Variants in MPP7 observed in about 807,000 individuals in gnomAD.
The protein encoded by MPP7 is MAGUK p55 subfamily member 7.
In MPP7, 60 loss-of-function variants were observed where a neutral mutation model predicts 76.5. The ratio of observed to expected loss-of-function variants is 0.78; its 90% CI spans 0.64 to 0.97. The LOEUF (loss-of-function observed/expected upper bound fraction) is 0.97, where lower values mean the gene tolerates loss of function less well. MPP7 is among the 50% of genes least tolerant of loss of function. The probability of loss-of-function intolerance (pLI) is 0.00; values close to 1 mark genes in which losing one functional copy is unlikely to be tolerated. For synonymous variants in MPP7, 237 were observed against 244.5 expected (o/e 0.97, Z 0.29); for missense variants, 641 against 694.0 (o/e 0.92, Z 0.86).
chr10:28,219,844 T>A (rs1838439516), intron 2 of MPP7, among the ~76,000 whole-genome samples: 1 of 152,132 alleles, frequency 6.6e-6, no homozygotes, highest in East Asian at 1.9e-4. Context: ...TTCCACTTTG[T>A]CAAAGGTAAA....
At chr10:28,104,529 T>C (rs532971196) in intron 11 of MPP7, among the ~76,000 whole-genome samples, 1 of 152,314 alleles carries the variant, frequency 6.6e-6, no homozygotes, top group Admixed American at 6.5e-5. Context: ...AAAAATAGAA[T>C]TCCACAAGAT....
intron 1 of MPP7, among the ~76,000 whole-genome samples, chr10:28,291,882 T>C (rs1205534575): frequency 2.6e-5 from 4 of 152,172 alleles, no homozygotes; most frequent in Non-Finnish European, 4.4e-5. Flanking sequence ...TAAATGAACA[T>C]AGTGTAGCCT....
intron 14 of MPP7, 24 bp downstream of exon 14, chr10:28,059,626 A>G: frequency 6.4e-7 from 1 of 1,560,218 alleles, no homozygotes; most frequent in Non-Finnish European, 8.8e-7. Flanking sequence ...AGTCACATGA[A>G]AATTCTCAAA....
intron 1 of MPP7, among the ~76,000 whole-genome samples, chr10:28,248,775 A>G (rs1839519291): frequency 6.6e-6 from 1 of 152,218 alleles, no homozygotes; most frequent in African/African-American, 2.4e-5. Flanking sequence ...AGAAATATCC[A>G]GTGCAGTCAC....
intron 1 of MPP7, among the ~76,000 whole-genome samples, chr10:28,277,324 C>T (rs1363922592): frequency 6.7e-6 from 1 of 149,926 alleles, no homozygotes. Flanking sequence ...TGTCTTCAGC[C>T]ACACATAAAG....
chr10:28,178,523 A>G (rs559409130), intron 3 of MPP7, among the ~76,000 whole-genome samples: 151 of 152,062 alleles, frequency 9.9e-4, no homozygotes, highest in Non-Finnish European at 1.4e-3. Context: ...AACCGAAACC[A>G]TTCTACTGAA....
intron 12 of MPP7, among the ~76,000 whole-genome samples, chr10:28,073,013 G>A (rs1188304171): frequency 6.6e-6 from 1 of 152,182 alleles, no homozygotes; most frequent in Non-Finnish European, 1.5e-5. Flanking sequence ...CCCCTGGACA[G>A]CAGTAACATC....
intron 3 of MPP7, among the ~76,000 whole-genome samples, chr10:28,183,244 G>A (rs1837117945): frequency 6.6e-6 from 1 of 152,170 alleles, no homozygotes; most frequent in Non-Finnish European, 1.5e-5. Context: ...ATGGGAACAG[G>A]AGGGATGTTC....
intron 1 of MPP7, among the ~76,000 whole-genome samples, chr10:28,256,956 T>C (rs547859662): frequency 7.9e-5 from 12 of 152,356 alleles, no homozygotes; most frequent in African/African-American, 2.6e-4. Flanking sequence ...AATTCCTATT[T>C]GATCTAAGCC....
chr10:28,074,014 A>C (rs1205580562), intron 12 of MPP7, among the ~76,000 whole-genome samples: 1 of 152,134 alleles, frequency 6.6e-6, no homozygotes, highest in Non-Finnish European at 1.5e-5. Context: ...AATCATAATC[A>C]GACAACTAGC....
chr10:28,165,200 A>G (rs925345612), intron 3 of MPP7, among the ~76,000 whole-genome samples: 1 of 152,158 alleles, frequency 6.6e-6, no homozygotes, highest in African/African-American at 2.4e-5. Flanking sequence ...GTTACCTCAC[A>G]TGGTAAAGGG....
At chr10:28,217,772 A>G (rs1282248680) in intron 2 of MPP7, among the ~76,000 whole-genome samples, 1 of 152,156 alleles carries the variant, frequency 6.6e-6, no homozygotes, top group East Asian at 1.9e-4. Context: ...TAAAGTCCTC[A>G]TGCTTTGTAA....
intron 6 of MPP7, among the ~76,000 whole-genome samples, chr10:28,126,818 C>A (rs991255752): frequency 1.2e-4 from 19 of 152,120 alleles, no homozygotes; most frequent in African/African-American, 4.6e-4. Context: ...TTGCTCTATG[C>A]GAATCTCACT....
At position 28,120,538 on chromosome 10, in the gene MPP7, T is replaced by C; in HGVS notation, c.690+56A>G. ...TGTGACAAAGTGGATATGTGTTGGA[T>C]GGAAAAACATGACTTCCCTCCCACG... On this transcript the variant is annotated intron_variant, in intron 9 of 16. Transcript: ENST00000683449. 3.9e-6 allele frequency: 6 copies of C among 1,543,154 alleles called. No homozygotes were observed. In the Admixed American group the frequency reaches 5.0e-5, roughly 13 times the overall value.
At chr10:28,306,633 G>C (rs1841257593), upstream of MPP7, among the ~76,000 whole-genome samples, 1 of 148,996 alleles carries the variant, frequency 6.7e-6, no homozygotes, top group Non-Finnish European at 1.5e-5. Flanking sequence ...GGGCAACAGA[G>C]TAAGACCCTG....
chr10:28,147,144 T>G (rs1005145770), intron 5 of MPP7, among the ~76,000 whole-genome samples: 1 of 152,128 alleles, frequency 6.6e-6, no homozygotes, highest in Non-Finnish European at 1.5e-5. Context: ...TCAAACATAT[T>G]GGAATCCCAT....
intron 1 of MPP7, among the ~76,000 whole-genome samples, chr10:28,291,209 G>C (rs556352875): frequency 6.6e-6 from 1 of 152,314 alleles, no homozygotes; most frequent in Non-Finnish European, 1.5e-5. Context: ...TGGACTCCCA[G>C]GTAACGCAAA....
At chr10:28,204,488 C>T (rs570122992) in intron 2 of MPP7, among the ~76,000 whole-genome samples, 44 of 149,650 alleles carry the variant, frequency 2.9e-4, no homozygotes, top group African/African-American at 9.8e-4. Context: ...CGCAAACACA[C>T]GGAGACACAC....
intron 3 of MPP7, among the ~76,000 whole-genome samples, chr10:28,153,256 A>T (rs1248836667): frequency 6.6e-6 from 1 of 152,088 alleles, no homozygotes; most frequent in African/African-American, 2.4e-5. Flanking sequence ...TCCATCTCAA[A>T]AAAGAAAACA....
Sources: gnomAD v4.1 joint callset for allele counts (sites outside exome capture counted in the v4.1 genomes callset) on GRCh38, gnomAD v4.1.1 for gene constraint, MANE v1.5 for transcripts, NCBI Gene and HGNC (gene_info 2026-07-23, HGNC 2026-07-21) for gene names.